KIF6: variants seen among roughly 807,000 people sequenced by gnomAD.
KIF6 encodes kinesin-like protein KIF6.
A neutral mutation model predicts 112.7 loss-of-function variants in KIF6; 106 were observed. The ratio of observed to expected loss-of-function variants is 0.94; its 90% CI spans 0.80 to 1.11. The LOEUF (loss-of-function observed/expected upper bound fraction) is 1.11. KIF6 is among the 50% of genes least tolerant of loss of function. The probability of loss-of-function intolerance (pLI) is 0.00; values close to 1 mark genes in which losing one functional copy is unlikely to be tolerated. For synonymous variants in KIF6, 339 were observed against 339.9 expected (o/e 1.00, Z 0.03); for missense variants, 929 against 964.0 (o/e 0.96, Z 0.48).
At position 39,449,426 on chromosome 6, in the gene KIF6, T is replaced by C. The variant is rs148245215; in HGVS notation, c.1646-18265A>G. Among the ~76,000 whole-genome samples the C allele has an allele frequency of 4.8e-4, 73 of 152,358 alleles. 1 individual carries two copies. Among genetic ancestry groups the C allele is most frequent in the African/African-American group, 1.5e-3 (63 of 41,580 alleles). On this transcript the variant is annotated intron_variant, in intron 13 of 22. Coordinates refer to ENST00000287152, the MANE Select transcript of KIF6 (RefSeq NM_145027.6). ...TTCAGCTGCTCAACTATGGAAGTAG[T>C]GTTCCTGCCTTTGGGGCTTTATACT...
intron 10 of KIF6, among the ~76,000 whole-genome samples, chr6:39,559,034 T>C (rs1440216270): frequency 1.3e-5 from 2 of 152,174 alleles, no homozygotes; most frequent in Non-Finnish European, 2.9e-5. Flanking sequence ...TTTAATATCT[T>C]CAAAATGTAG....
intron 12 of KIF6, among the ~76,000 whole-genome samples, chr6:39,542,544 T>G (rs1356827861): frequency 6.6e-6 from 1 of 152,248 alleles, no homozygotes; most frequent in African/African-American, 2.4e-5. Context: ...TGTGTCACAG[T>G]CTTAGCCTTC....
chr6:39,615,171 TA>T (rs763197988), intron 5 of KIF6, among the ~76,000 whole-genome samples: 3,341 of 135,812 alleles, frequency 0.025, 91 homozygotes, highest in African/African-American at 0.076. Context: ...AGGCCTTTTC[TA>T]AAAAAAAAAA....
chr6:39,352,631 T>C (rs942098727), intron 19 of KIF6, among the ~76,000 whole-genome samples: 1 of 147,368 alleles, frequency 6.8e-6, no homozygotes, highest in Non-Finnish European at 1.5e-5. Flanking sequence ...TGAGATGGAG[T>C]CTTGCTCTGT....
At chr6:39,503,634 T>A (rs1487421905) in intron 13 of KIF6, among the ~76,000 whole-genome samples, 1 of 151,722 alleles carries the variant, frequency 6.6e-6, no homozygotes, top group Non-Finnish European at 1.5e-5. Flanking sequence ...TCAGAAATGA[T>A]AAGGGGGATA....
intron 3 of KIF6, among the ~76,000 whole-genome samples, chr6:39,641,382 A>T (rs1463577984): frequency 6.6e-6 from 1 of 152,074 alleles, no homozygotes; most frequent in Non-Finnish European, 1.5e-5. Flanking sequence ...TTCTCAGCAA[A>T]CTATCGCAAG....
chr6:39,638,304 C>T lies in KIF6; in HGVS notation c.399+1306G>A, dbSNP rs1239792786. ...TAAGTAACCGCCCCAAGGCCACATG[C>T]TGTAAGCAGTACACTTTCTCAGAAC... On this transcript the variant is annotated intron_variant, in intron 4 of 22. Coordinates refer to ENST00000287152, the MANE Select transcript of KIF6 (RefSeq NM_145027.6). Among the ~76,000 whole-genome samples, 3 of 152,106 alleles carry T rather than the reference C, an allele frequency of 2.0e-5. No homozygotes were observed. In the East Asian group the frequency reaches 5.8e-4, roughly 29 times the overall value.
rs777140748 is a variant in KIF6, at chr6:39,714,708, T to C, written c.235A>G (p.Lys79Glu). ...AAATCCTACCTCCCAGCAACTGGTTTGGCAATGTTTTCAAAAACGGTCTCT... is the reference window on the plus strand; with the variant it reads ...AAATCCTACCTCCCAGCAACTGGTTCGGCAATGTTTTCAAAAACGGTCTCT... Reference protein sequence around the residue: ...NQETVFENIAKPVAGSVLAGY... With the variant: ...NQETVFENIAEPVAGSVLAGY... Residue 79 changes from lysine to glutamate, a missense_variant, in exon 3 of 23, where the codon AAA (lysine) becomes GAA (glutamate). Around this residue, in one of 2 missense-constraint regions of KIF6, gnomAD observed 688 missense variants for 662.7 expected, o/e 1.04. Coordinates refer to ENST00000287152, the MANE Select transcript of KIF6 (RefSeq NM_145027.6). 6.2e-7 allele frequency: 1 copy of C among 1,613,766 alleles called. No homozygotes were observed. The highest frequency in any genetic ancestry group is 8.5e-7 in the Non-Finnish European group (1 of 1,179,726).
chr6:39,390,414 C>A (rs768244540), intron 15 of KIF6, among the ~76,000 whole-genome samples: 62 of 151,976 alleles, frequency 4.1e-4, no homozygotes, highest in Non-Finnish European at 8.7e-4. Context: ...TTACTACAGG[C>A]GAATTGAGTA....
At chr6:39,346,432 C>T (rs948812859) in intron 20 of KIF6, 44 bp downstream of exon 20, 24 of 716,630 alleles carry the variant, frequency 3.3e-5, no homozygotes, top group Admixed American at 3.2e-4. Flanking sequence ...TGTGAGGATG[C>T]GTCGAGAAGA....
intron 3 of KIF6, among the ~76,000 whole-genome samples, chr6:39,714,326 C>T (rs2954709): frequency 0.32 from 48,944 of 151,914 alleles, 9,258 homozygotes; most frequent in Non-Finnish European, 0.41. Flanking sequence ...TTTGAAGTAC[C>T]GTACTGAGGA....
chr6:39,723,770 G>A (rs1790367918), intron 1 of KIF6, among the ~76,000 whole-genome samples: 1 of 152,284 alleles, frequency 6.6e-6, no homozygotes, highest in Non-Finnish European at 1.5e-5. Context: ...GGGAGGGATA[G>A]CATTAGGAGA....
intron 9 of KIF6, among the ~76,000 whole-genome samples, chr6:39,581,025 A>G (rs746330489): frequency 6.6e-6 from 1 of 152,156 alleles, no homozygotes; most frequent in Admixed American, 6.5e-5. Flanking sequence ...CAAAATTCCT[A>G]AAAGAAAAAA....
At chr6:39,648,847 T>C (rs1271712261) in intron 3 of KIF6, among the ~76,000 whole-genome samples, 1 of 152,040 alleles carries the variant, frequency 6.6e-6, no homozygotes, top group Non-Finnish European at 1.5e-5. Context: ...TGAGTTTAGT[T>C]CCCCTAGTTT....
intron 16 of KIF6, among the ~76,000 whole-genome samples, chr6:39,367,365 G>C (rs1171240537): frequency 6.6e-6 from 1 of 152,186 alleles, no homozygotes. Context: ...AGGAGGCACA[G>C]GGAGCCCTCC....
Position 39,478,864 on chromosome 6 carries a change from A to AT in KIF6, c.1646-47704dup, listed in dbSNP as rs374956499. Among the ~76,000 whole-genome samples the AT allele has an allele frequency of 3.9e-3, 592 of 151,440 alleles. 1 individual carries two copies. The highest frequency in any genetic ancestry group is 0.013 in the African/African-American group (553 of 41,270). ...TCCCTGATAATTAATGGTGTTGAGCATTTTTTTCATATGTGTGTTGGCCAT... is the reference window on the plus strand; with the variant it reads ...TCCCTGATAATTAATGGTGTTGAGCATTTTTTTTCATATGTGTGTTGGCCAT... On this transcript the variant is annotated intron_variant, in intron 13 of 22. Coordinates refer to ENST00000287152, the MANE Select transcript of KIF6 (RefSeq NM_145027.6).
At chr6:39,684,640 A>G (rs887681186) in intron 3 of KIF6, among the ~76,000 whole-genome samples, 2 of 151,616 alleles carry the variant, frequency 1.3e-5, no homozygotes, top group Non-Finnish European at 2.9e-5. Flanking sequence ...AAATACAAAA[A>G]TTAGCTGGGA....
intron 19 of KIF6, among the ~76,000 whole-genome samples, chr6:39,347,662 T>G (rs1178034332): frequency 6.6e-6 from 1 of 152,210 alleles, no homozygotes; most frequent in Non-Finnish European, 1.5e-5. Flanking sequence ...ACACTTGGGC[T>G]GAGAGGCAGG....
At chr6:39,689,736 C>G (rs1788077933) in intron 3 of KIF6, among the ~76,000 whole-genome samples, 1 of 152,080 alleles carries the variant, frequency 6.6e-6, no homozygotes, top group Non-Finnish European at 1.5e-5. Flanking sequence ...TCCCAAGTAA[C>G]TGGACCCACA....
Sources: gnomAD v4.1 joint callset for allele counts (sites outside exome capture counted in the v4.1 genomes callset) on GRCh38, gnomAD v4.1.1 for gene constraint, gnomAD v4.1.1 regional missense constraint, MANE v1.5 for transcripts, NCBI Gene and HGNC (gene_info 2026-07-23, HGNC 2026-07-21) for gene names.